SPAG16: variants seen among roughly 807,000 people sequenced by gnomAD.
The protein encoded by SPAG16 is sperm associated antigen 16, also known as sperm-associated antigen 16 protein.
SPAG16 carries 86 observed loss-of-function variants against 80.4 expected under a neutral mutation model. That is an observed-to-expected ratio of 1.07 (90% CI 0.90 to 1.28). The LOEUF (loss-of-function observed/expected upper bound fraction) is 1.28, where lower values mean the gene tolerates loss of function less well. Among genes scored for constraint, SPAG16 ranks in the 50% most tolerant of loss-of-function variants. The pLI, the probability that SPAG16 is intolerant of heterozygous loss-of-function variation, is 0.00. For synonymous variants in SPAG16, 294 were observed against 265.9 expected, an observed-to-expected ratio of 1.11 and a Z score of -1.03; for missense variants, 870 against 765.3, an observed-to-expected ratio of 1.14 and a Z score of -1.61.
intron 11 of SPAG16, among the ~76,000 whole-genome samples, chr2:213,923,579 G>A (rs1464289425): frequency 6.6e-6 from 1 of 152,174 alleles, no homozygotes; most frequent in African/African-American, 2.4e-5. Context: ...TCTATCATGT[G>A]TCGCTTGCCT....
chr2:213,944,203 A>G (rs1379812820), intron 12 of SPAG16, among the ~76,000 whole-genome samples: 7 of 152,214 alleles, frequency 4.6e-5, no homozygotes, highest in African/African-American at 1.4e-4. Flanking sequence ...GCCCTGAGCC[A>G]TGGAGTCATG....
At chr2:213,752,889 G>A (rs1487897227) in intron 10 of SPAG16, among the ~76,000 whole-genome samples, 1 of 152,132 alleles carries the variant, frequency 6.6e-6, no homozygotes, top group Non-Finnish European at 1.5e-5. Context: ...CCTAGCCAAT[G>A]AATAAAAGCT....
chr2:214,189,113 G>C (rs1407196818), intron 15 of SPAG16, among the ~76,000 whole-genome samples: 2 of 152,090 alleles, frequency 1.3e-5, no homozygotes, highest in African/African-American at 4.8e-5. Context: ...GATTTGTGCA[G>C]TACTTCTCAA....
At position 213,313,790 on chromosome 2, in the gene SPAG16, G is replaced by A. The variant is rs958641097; in HGVS notation, c.399-3429G>A. 9.9e-5 allele frequency among the ~76,000 whole-genome samples: 15 copies of A among 151,798 alleles called. No individual in the cohort carries two copies. The Admixed American group carries it at 9.9e-4, about 10-fold the overall frequency. On this transcript the variant is annotated intron_variant, in intron 4 of 15. Transcript: ENST00000331683. The stretch of plus-strand genomic sequence containing the variant: ...GCCATGCTATATTTTTCCTGAGAGG[G>A]ACTGTCTGGTTCTAAGTGATAGTCG...
intron 10 of SPAG16, among the ~76,000 whole-genome samples, chr2:213,729,195 A>G (rs753700995): frequency 6.6e-6 from 1 of 152,210 alleles, no homozygotes; most frequent in African/African-American, 2.4e-5. Context: ...GAATTTTTTA[A>G]TAGACAATAT....
At chr2:213,574,615 G>A (rs985320668) in intron 10 of SPAG16, among the ~76,000 whole-genome samples, 1 of 148,920 alleles carries the variant, frequency 6.7e-6, no homozygotes, top group African/African-American at 2.5e-5. Flanking sequence ...CTTACTCACT[G>A]TAGTTGTAAC....
chr2:213,307,998 G>A (rs2063024452), intron 3 of SPAG16, among the ~76,000 whole-genome samples: 1 of 152,098 alleles, frequency 6.6e-6, no homozygotes, highest in Non-Finnish European at 1.5e-5. Context: ...TAACAGCTTG[G>A]GAAAGAGAAG....
At chr2:213,509,822 C>A (rs1559205166) in intron 10 of SPAG16, among the ~76,000 whole-genome samples, 1 of 152,080 alleles carries the variant, frequency 6.6e-6, no homozygotes, top group African/African-American at 2.4e-5. Context: ...AAAATCAGAG[C>A]AGAACTGAAG....
At chr2:213,297,746 C>T (rs530972408) in intron 3 of SPAG16, among the ~76,000 whole-genome samples, 3 of 152,142 alleles carry the variant, frequency 2.0e-5, no homozygotes, top group Admixed American at 6.5e-5. Context: ...ACAGGGAATG[C>T]TTAATATGGC....
At chr2:213,301,120 C>T (rs2062724867) in intron 3 of SPAG16, among the ~76,000 whole-genome samples, 1 of 152,132 alleles carries the variant, frequency 6.6e-6, no homozygotes, top group Admixed American at 6.5e-5. Flanking sequence ...ACTCTCACAT[C>T]ATAATGCTAA....
chr2:213,469,243 A>G (rs1210232813), intron 9 of SPAG16, among the ~76,000 whole-genome samples: 2 of 152,220 alleles, frequency 1.3e-5, no homozygotes, highest in African/African-American at 4.8e-5. Flanking sequence ...TACACCTAAC[A>G]TAATAAAACT....
intron 10 of SPAG16, among the ~76,000 whole-genome samples, chr2:213,811,955 G>A (rs2072185576): frequency 6.6e-6 from 1 of 152,078 alleles, no homozygotes; most frequent in Admixed American, 6.5e-5. Context: ...AACACAGAAA[G>A]AGATAATACA....
chr2:213,353,086 C>T (rs956110015), intron 7 of SPAG16, among the ~76,000 whole-genome samples: 9 of 152,226 alleles, frequency 5.9e-5, no homozygotes, highest in African/African-American at 1.9e-4. Flanking sequence ...AGGCTATATT[C>T]ACTCTCCAGT....
At chr2:214,232,437 A>G (rs565933508) in intron 15 of SPAG16, among the ~76,000 whole-genome samples, 2 of 152,078 alleles carry the variant, frequency 1.3e-5, no homozygotes, top group African/African-American at 4.8e-5. Flanking sequence ...CAGAGTTTTC[A>G]GTGGCTGTGA....
chr2:214,012,234 T>TTA (rs1243725417), intron 12 of SPAG16, among the ~76,000 whole-genome samples: 20 of 135,774 alleles, frequency 1.5e-4, no homozygotes, highest in South Asian at 2.3e-4. Flanking sequence ...ATATACTTAC[T>TTA]TATATATATA....
intron 11 of SPAG16, among the ~76,000 whole-genome samples, chr2:213,869,279 A>ACT: frequency 1.6e-5 from 1 of 61,446 alleles, no homozygotes; most frequent in South Asian, 1.6e-3. Flanking sequence ...ATATATATAT[A>ACT]TGTATATATA....
chr2:213,572,406 A>G lies in SPAG16; in HGVS notation c.1070+82316A>G, dbSNP rs1363691000. On this transcript the variant is annotated intron_variant, in intron 10 of 15. Coordinates refer to ENST00000331683, the MANE Select transcript of SPAG16 (RefSeq NM_024532.5). ...GGTCTTTGATGATGGTGATGTACAG[A>G]TGGGTTTTCGGTGTAGATGTCCTTT... 3.7e-3 allele frequency among the ~76,000 whole-genome samples: 473 copies of G among 128,046 alleles called. 3 individuals are homozygous for G. Among genetic ancestry groups the G allele is most frequent in the Non-Finnish European group, 5.7e-3 (348 of 60,822 alleles). The allele number at this position is 128,046 out of a possible 152,430, so 84.0% of individuals were successfully genotyped here. A position where few individuals can be genotyped will look rare whatever the true frequency, so the allele number is the denominator to read the frequency against.
chr2:214,307,591 T>TTCTC (rs1695007777), intron 15 of SPAG16, among the ~76,000 whole-genome samples: 1 of 152,222 alleles, frequency 6.6e-6, no homozygotes, highest in Non-Finnish European at 1.5e-5. Flanking sequence ...TGATATGTTG[T>TTCTC]ATCTTTGTTC....
At chr2:213,803,610 C>G (rs1411613432) in intron 10 of SPAG16, among the ~76,000 whole-genome samples, 3 of 152,122 alleles carry the variant, frequency 2.0e-5, no homozygotes, top group African/African-American at 2.4e-5. Context: ...TCCAGGGCTC[C>G]CAATCCAGAG....
Sources: allele counts gnomAD v4.1 joint callset (sites outside exome capture counted in the v4.1 genomes callset), GRCh38; gene constraint gnomAD v4.1.1; transcripts MANE v1.5; gene names NCBI Gene and HGNC (gene_info 2026-07-23, HGNC 2026-07-21).